TUB: variants seen among roughly 807,000 people sequenced by gnomAD.
TUB encodes tubby protein homolog.
TUB carries 33 observed loss-of-function variants against 59.7 expected under a neutral mutation model. The ratio of observed to expected loss-of-function variants is 0.55; its 90% CI spans 0.42 to 0.74. TUB has a LOEUF of 0.74. Among genes scored for constraint, TUB ranks in the 30% least tolerant of loss-of-function variants. TUB has a pLI of 0.00. For synonymous variants in TUB, 293 were observed against 256.4 expected (o/e 1.14, Z -1.36); for missense variants, 659 against 672.0 (o/e 0.98, Z 0.21).
rs1259876494 is a variant in TUB, at chr11:8,103,419, C to T, written c.*1800C>T. ...TTTAAAATAGAAGTTGTATTTTAAA[C>T]GTGTTAGGCTTTATAGGTGAAGGAC... On this transcript the variant is annotated 3_prime_UTR_variant, in exon 12 of 12. Transcript: ENST00000299506. 2 of 152,246 alleles carry T rather than the reference C, an allele frequency of 1.3e-5. No individual in the cohort carries two copies. The highest frequency in any genetic ancestry group is 2.9e-5 in the Non-Finnish European group (2 of 68,040). The allele number at this position is 152,246 out of a possible 1,614,324, so 9.4% of individuals were successfully genotyped here.
At chr11:8,072,499 C>A (rs1283875330) in intron 2 of TUB, among the ~76,000 whole-genome samples, 1 of 152,218 alleles carries the variant, frequency 6.6e-6, no homozygotes, top group African/African-American at 2.4e-5. Flanking sequence ...CCTCGGGGAG[C>A]TGCCAGCAAT....
At position 8,097,812 on chromosome 11, in the gene TUB, T is replaced by C; in HGVS notation, c.984T>C (p.Tyr328=). 3 of 1,613,572 alleles carry C rather than the reference T, an allele frequency of 1.9e-6. No homozygotes were observed. Among genetic ancestry groups the C allele is most frequent in the Non-Finnish European group, 2.5e-6 (3 of 1,179,750 alleles). The change falls in exon 8 of 12, where the codon TAT becomes TAC. Residue 328 remains tyrosine (Y), a synonymous_variant. Coordinates refer to ENST00000299506, the MANE Select transcript of TUB (RefSeq NM_177972.3). ...ACTTGTCTCGAGGAGGGGACAGCTATATCGGGAAACTGCGGTACTAGCATT... is the reference window on the plus strand; with the variant it reads ...ACTTGTCTCGAGGAGGGGACAGCTACATCGGGAAACTGCGGTACTAGCATT... ...PTDLSRGGDS[Y]IGKLRSNLMG... is the part of the protein sequence containing the mutation.
At chr11:8,024,047 A>G (rs1401311932) in intron 1 of TUB, among the ~76,000 whole-genome samples, 1 of 152,202 alleles carries the variant, frequency 6.6e-6, no homozygotes, top group Non-Finnish European at 1.5e-5. Flanking sequence ...ATGAATTGCC[A>G]GCTCTCTGAC....
At position 8,106,189 on chromosome 11, in the gene TUB, G is replaced by GTGTT. The variant is rs1398573013; in HGVS notation, c.*4574_*4577dup. ...GACATTATGTATGTTGTAGAATTTA[G>GTGTT]TGTTTGTCTAAGTACACACATATAT... On this transcript the variant is annotated 3_prime_UTR_variant, in exon 12 of 12. Transcript: ENST00000299506. The GTGTT allele has an allele frequency of 6.6e-6, 1 of 151,934 alleles. No individual in the cohort carries two copies. The highest frequency in any genetic ancestry group is 2.4e-5 in the African/African-American group (1 of 41,408). 9.4% of individuals were successfully genotyped at this position (151,934 alleles called of 1,614,324 possible).
At chr11:8,080,578 T>G (rs573928241), upstream of TUB, among the ~76,000 whole-genome samples, 2 of 152,302 alleles carry the variant, frequency 1.3e-5, no homozygotes, top group South Asian at 4.1e-4. Context: ...ATTCCTATTC[T>G]CTGGGTTATA....
chr11:8,078,023 C>G (rs911434657), upstream of TUB, among the ~76,000 whole-genome samples: 5 of 152,040 alleles, frequency 3.3e-5, no homozygotes, highest in African/African-American at 1.2e-4. Context: ...TAGAGATGGC[C>G]CACACTCAAT....
At chr11:8,035,395 G>A (rs1446797203), upstream of TUB, 1 of 152,294 alleles carries the variant, frequency 6.6e-6, no homozygotes, top group Non-Finnish European at 1.5e-5. Context: ...TCAGGCGAGA[G>A]CTTTATTCAG....
intron 2 of TUB, among the ~76,000 whole-genome samples, chr11:8,066,094 G>A (rs1432942784): frequency 6.6e-6 from 1 of 152,210 alleles, no homozygotes; most frequent in African/African-American, 2.4e-5. Context: ...TGGCCGAGGA[G>A]GAAGGGGCCC....
intron 2 of TUB, among the ~76,000 whole-genome samples, chr11:8,064,184 A>G (rs766465533): frequency 6.6e-6 from 1 of 152,160 alleles, no homozygotes; most frequent in Non-Finnish European, 1.5e-5. Context: ...AACGATGAAT[A>G]TGGTTTTAAA....
chr11:8,050,961 T>C (rs1013816626), intron 2 of TUB, among the ~76,000 whole-genome samples: 7 of 152,176 alleles, frequency 4.6e-5, no homozygotes, highest in Non-Finnish European at 7.3e-5. Context: ...AGGAAAAGCT[T>C]AAAGTCAAGG....
At chr11:8,023,673 G>A (rs1195760377) in intron 1 of TUB, among the ~76,000 whole-genome samples, 1 of 152,196 alleles carries the variant, frequency 6.6e-6, no homozygotes, top group South Asian at 2.1e-4. Context: ...TCTCTAGTCA[G>A]CATCCACAAG....
chr11:8,039,666 C>A lies in TUB; in HGVS notation c.177C>A (p.Tyr59Ter). Reference sequence around the variant, plus strand: ...TCAGGAGAACAACCAGGAGGAAGTACTGGAAGGAAGGAAGGGAGATCGCTC... The same window carrying A: ...TCAGGAGAACAACCAGGAGGAAGTAATGGAAGGAAGGAAGGGAGATCGCTC... Residue 59 changes from tyrosine to a stop codon, truncating the protein, a stop_gained, in exon 2 of 13, where the codon TAC becomes TAA. Transcript: ENST00000305253. LOFTEE classifies it high-confidence loss of function. 5.2e-6 allele frequency: 8 copies of A among 1,535,798 alleles called. No homozygotes were observed. Among genetic ancestry groups the A allele is most frequent in the Non-Finnish European group, 7.0e-6 (8 of 1,138,858 alleles).
At chr11:8,076,744 G>T (rs1943455616), upstream of TUB, 1 of 152,124 alleles carries the variant, frequency 6.6e-6, no homozygotes, top group Admixed American at 6.5e-5. Flanking sequence ...ATTCGATCTG[G>T]TTTTATTCCT....
chr11:8,019,908 C>G (rs1463320616), intron 1 of TUB, among the ~76,000 whole-genome samples: 1 of 152,130 alleles, frequency 6.6e-6, no homozygotes. Flanking sequence ...GCTGTCTGGG[C>G]GCAGGAGCGG....
At chr11:8,052,501 G>A (rs1384400455) in intron 2 of TUB, among the ~76,000 whole-genome samples, 1 of 116,812 alleles carries the variant, frequency 8.6e-6, no homozygotes, top group Non-Finnish European at 1.6e-5. Context: ...ACGGAGTCTC[G>A]CTCTGTCTCC....
intron 1 of TUB, among the ~76,000 whole-genome samples, chr11:8,029,698 A>G (rs1448349011): frequency 6.6e-6 from 1 of 151,760 alleles, no homozygotes; most frequent in East Asian, 1.9e-4. Flanking sequence ...CTGTCTGAGC[A>G]CTCTCTAGTT....
intron 2 of TUB, among the ~76,000 whole-genome samples, chr11:8,042,510 T>C (rs978129412): frequency 2.0e-5 from 3 of 152,230 alleles, no homozygotes; most frequent in African/African-American, 7.2e-5. Context: ...GTTCAACCTT[T>C]TGAGGAACTG....
At chr11:8,038,719 G>T in exon 1 of TUB, 2 of 1,486,682 alleles carry the variant, frequency 1.3e-6, no homozygotes, top group Non-Finnish European at 1.8e-6. Flanking sequence ...GGTGATGGTG[G>T]TTGTTAGTCT....
intron 2 of TUB, among the ~76,000 whole-genome samples, chr11:8,070,102 G>A (rs747658002): frequency 3.3e-5 from 5 of 152,138 alleles, no homozygotes; most frequent in Non-Finnish European, 7.4e-5. Context: ...CTTGGGGCTC[G>A]CCCTCCTTTC....
Sources: gnomAD v4.1 joint callset for allele counts (sites outside exome capture counted in the v4.1 genomes callset) on GRCh38, gnomAD v4.1.1 for gene constraint, MANE v1.5 for transcripts, NCBI Gene and HGNC (gene_info 2026-07-23, HGNC 2026-07-21) for gene names.